The following PCDH11X variants were observed in gnomAD, a reference collection of about 807,000 sequenced individuals.
PCDH11X encodes protocadherin 11 X-linked.
A neutral mutation model predicts 53.3 loss-of-function variants in PCDH11X; 18 were observed. The observed-to-expected ratio is 0.34, with a 90% confidence interval of 0.23 to 0.50. The LOEUF (loss-of-function observed/expected upper bound fraction) is 0.50, where lower values mean the gene tolerates loss of function less well. Among genes scored for constraint, PCDH11X ranks in the 20% least tolerant of loss-of-function variants. The pLI, the probability that PCDH11X is intolerant of heterozygous loss-of-function variation, is 0.98. For missense variants in PCDH11X, 570 were observed against 1,032.4 expected (o/e 0.55, Z 6.14); for synonymous variants, 279 against 393.3 (o/e 0.71, Z 3.44).
intron 7 of PCDH11X, among the ~76,000 whole-genome samples, chrX:92,239,537 G>T (rs1050954208): frequency 9.0e-6 from 1 of 111,353 alleles, no homozygotes; most frequent in Non-Finnish European, 1.9e-5. Context: ...GATAACTTTT[G>T]TCCAGAAGAC....
At chrX:91,921,223 C>T (rs1941727491) in intron 6 of PCDH11X, among the ~76,000 whole-genome samples, 1 of 109,599 alleles carries the variant, frequency 9.1e-6, no homozygotes, top group African/African-American at 3.3e-5. Flanking sequence ...TTTCCCGTAT[C>T]TTCTCTACCC....
At chrX:92,161,480 G>A (rs1314370471) in intron 6 of PCDH11X, among the ~76,000 whole-genome samples, 2 of 110,648 alleles carry the variant, frequency 1.8e-5, no homozygotes, top group Non-Finnish European at 3.8e-5. Flanking sequence ...TTGATAACAT[G>A]ATGACAATGT....
intron 6 of PCDH11X, among the ~76,000 whole-genome samples, chrX:92,179,328 A>T (rs756695761): frequency 3.6e-5 from 4 of 112,556 alleles, no homozygotes; most frequent in Admixed American, 1.9e-4. Context: ...TCTAAAAGGC[A>T]GAAAACTTGA....
intron 8 of PCDH11X, among the ~76,000 whole-genome samples, chrX:92,364,159 A>G (rs1603289099): frequency 8.9e-6 from 1 of 111,884 alleles, no homozygotes. Flanking sequence ...CTTTCCTCAT[A>G]TAATAGTCAT....
At chrX:92,049,321 C>T (rs2063334833) in intron 6 of PCDH11X, among the ~76,000 whole-genome samples, 1 of 110,928 alleles carries the variant, frequency 9.0e-6, no homozygotes, top group Non-Finnish European at 1.9e-5. Flanking sequence ...CTTGTTATGC[C>T]AGAGTCAGAT....
intron 7 of PCDH11X, among the ~76,000 whole-genome samples, chrX:92,259,915 C>T (rs2067678545): frequency 9.0e-6 from 1 of 111,655 alleles, no homozygotes. Flanking sequence ...GGAACGGGTG[C>T]ACCACAGCTG....
At chrX:92,043,532 C>A (rs1256987579) in intron 6 of PCDH11X, among the ~76,000 whole-genome samples, 1 of 97,874 alleles carries the variant, frequency 1.0e-5, no homozygotes, top group African/African-American at 4.1e-5. Context: ...ACTAAATGAT[C>A]TTTGCCTTTC....
chrX:92,614,439 G>A (rs982252237), intron 10 of PCDH11X, among the ~76,000 whole-genome samples: 13 of 106,253 alleles, frequency 1.2e-4, no homozygotes, highest in South Asian at 8.6e-4. Context: ...ATGTAGTTTC[G>A]TTGACAGGTT....
intron 8 of PCDH11X, among the ~76,000 whole-genome samples, chrX:92,276,998 G>C (rs1234650075): frequency 9.0e-6 from 1 of 111,506 alleles, no homozygotes; most frequent in East Asian, 2.8e-4. Context: ...GGGAGGGCTA[G>C]TCACGGAAAG....
Position 92,375,166 on chromosome X carries a change from A to ATT in PCDH11X, c.3145-12543_3145-12542dup, listed in dbSNP as rs1230279822. Among the ~76,000 whole-genome samples the ATT allele has an allele frequency of 7.3e-4, 6 of 8,265 alleles. 1 individual carries two copies. Among genetic ancestry groups the ATT allele is most frequent in the Non-Finnish European group, 9.6e-4 (5 of 5,201 alleles). The allele number at this position is 8,265 out of a possible 115,157, so 7.2% of individuals were successfully genotyped here. A position where few individuals can be genotyped will look rare whatever the true frequency, so the allele number is the denominator to read the frequency against. On this transcript the variant is annotated intron_variant, in intron 8 of 10. Coordinates refer to ENST00000682573, the MANE Select transcript of PCDH11X (RefSeq NM_032968.5). Reference sequence around the variant, plus strand: ...TTTATATATATATATATATATATATATTTTTTTTTTTTTTTTTTTTTTTTT... The same window carrying ATT: ...TTTATATATATATATATATATATATATTTTTTTTTTTTTTTTTTTTTTTTTTT...
chrX:92,059,068 AG>A (rs2063490231), intron 6 of PCDH11X, among the ~76,000 whole-genome samples: 1 of 107,240 alleles, frequency 9.3e-6, no homozygotes, highest in Non-Finnish European at 1.9e-5. Flanking sequence ...ATGCTTCCAC[AG>A]AGCTATTAAA....
At chrX:92,332,355 T>A (rs58813214) in intron 8 of PCDH11X, among the ~76,000 whole-genome samples, 2,578 of 112,420 alleles carry the variant, frequency 0.023, 66 homozygotes, top group African/African-American at 0.078. Context: ...TTGTCTTACT[T>A]TCCCAAACTT....
chrX:92,601,738 G>C (rs1227721252), intron 10 of PCDH11X, among the ~76,000 whole-genome samples: 3 of 110,210 alleles, frequency 2.7e-5, no homozygotes, highest in East Asian at 5.8e-4. Context: ...AGAATAGTGA[G>C]AGCCTGTGGC....
At chrX:92,084,501 C>G (rs935923844) in intron 6 of PCDH11X, among the ~76,000 whole-genome samples, 1 of 102,469 alleles carries the variant, frequency 9.8e-6, no homozygotes, top group Admixed American at 1.1e-4. Context: ...GAGCCAAGAT[C>G]GCACTATTGC....
At chrX:92,212,427 T>G (rs1253568067) in intron 7 of PCDH11X, among the ~76,000 whole-genome samples, 1 of 111,993 alleles carries the variant, frequency 8.9e-6, no homozygotes, top group Non-Finnish European at 1.9e-5. Flanking sequence ...CTCGGTTCAC[T>G]GCAACCTCCA....
intron 6 of PCDH11X, among the ~76,000 whole-genome samples, chrX:92,034,445 C>T (rs1215998874): frequency 9.2e-6 from 1 of 108,635 alleles, no homozygotes; most frequent in Non-Finnish European, 1.9e-5. Flanking sequence ...TATTTATTTA[C>T]TATTGTTATA....
At chrX:92,243,052 ATCT>A (rs1321974327) in intron 7 of PCDH11X, among the ~76,000 whole-genome samples, 3 of 111,160 alleles carry the variant, frequency 2.7e-5, no homozygotes, top group Non-Finnish European at 3.8e-5. Flanking sequence ...TTTTCTGCCA[ATCT>A]TCTCACAGAA....
intron 10 of PCDH11X, among the ~76,000 whole-genome samples, chrX:92,484,150 T>TA (rs2073574682): frequency 2.1e-4 from 8 of 38,414 alleles, no homozygotes; most frequent in East Asian, 4.2e-3. Flanking sequence ...TGTATATATA[T>TA]GTATATATGT....
intron 8 of PCDH11X, among the ~76,000 whole-genome samples, chrX:92,329,467 C>G (rs2069411366): frequency 9.0e-6 from 1 of 111,507 alleles, no homozygotes; most frequent in South Asian, 3.7e-4. Context: ...TTAGCAATCT[C>G]TCTGCTAGAT....
Sources: gnomAD v4.1 joint callset for allele counts (sites outside exome capture counted in the v4.1 genomes callset) on GRCh38, gnomAD v4.1.1 for gene constraint, MANE v1.5 for transcripts, NCBI Gene and HGNC (gene_info 2026-07-23, HGNC 2026-07-21) for gene names.